Variants in SOX5 observed in about 807,000 individuals in gnomAD.
SOX5 encodes transcription factor SOX-5.
A neutral mutation model predicts 92.0 loss-of-function variants in SOX5; 9 were observed. The ratio of observed to expected loss-of-function variants is 0.10; its 90% CI spans 0.06 to 0.17. SOX5 has a LOEUF of 0.17. Ranked by LOEUF, SOX5 falls within the 10% of genes least tolerant of loss-of-function variation. The pLI is 1.00. For synonymous variants in SOX5, 344 were observed against 336.3 expected (o/e 1.02, Z -0.25); for missense variants, 642 against 944.5 (o/e 0.68, Z 4.20).
intron 4 of SOX5, among the ~76,000 whole-genome samples, chr12:24,114,573 CAAAAAAAAAAAAAAAAAA>C (rs55913110): frequency 4.9e-5 from 2 of 40,592 alleles, no homozygotes; most frequent in African/African-American, 1.9e-4. Flanking sequence ...CACCCCGTCA[CAAAAAAAAAAAAAAAAAA>C]AAAAAAAAAA....
intron 1 of SOX5, among the ~76,000 whole-genome samples, chr12:23,900,016 A>T (rs1408804292): frequency 2.0e-5 from 3 of 152,210 alleles, no homozygotes; most frequent in Non-Finnish European, 2.9e-5. Flanking sequence ...TCAAGGAAAA[A>T]GGATAAACAA....
At chr12:23,815,905 G>GCTGTA (rs2095981548) in intron 3 of SOX5, among the ~76,000 whole-genome samples, 1 of 152,056 alleles carries the variant, frequency 6.6e-6, no homozygotes, top group Admixed American at 6.6e-5. Flanking sequence ...AGCTTTGCAG[G>GCTGTA]CTGTACTACT....
At chr12:24,114,909 C>T (rs1465391275) in intron 4 of SOX5, among the ~76,000 whole-genome samples, 1 of 146,978 alleles carries the variant, frequency 6.8e-6, no homozygotes. Context: ...GCATTCCAGC[C>T]TGAGTGACAG....
chr12:24,001,456 T>A (rs1951605760), intron 4 of SOX5, among the ~76,000 whole-genome samples: 1 of 152,006 alleles, frequency 6.6e-6, no homozygotes, highest in South Asian at 2.1e-4. Flanking sequence ...TTTAAAAAAA[T>A]CAGTAAATAT....
chr12:24,230,826 T>C (rs1014741830), intron 3 of SOX5, among the ~76,000 whole-genome samples: 2 of 152,210 alleles, frequency 1.3e-5, no homozygotes, highest in Non-Finnish European at 2.9e-5. Context: ...GTAACTTTCA[T>C]ATAAATGTAC....
intron 4 of SOX5, among the ~76,000 whole-genome samples, chr12:24,012,807 A>T (rs1335073724): frequency 2.0e-5 from 3 of 152,154 alleles, no homozygotes; most frequent in Admixed American, 6.6e-5. Context: ...TTGGGTGAAC[A>T]GGGGTAAATC....
chr12:24,322,116 A>G lies in SOX5; in HGVS notation c.-173-44804T>C, dbSNP rs986295278. 9.9e-5 allele frequency among the ~76,000 whole-genome samples: 15 copies of G among 152,172 alleles called. No homozygotes were observed. In the South Asian group the frequency reaches 1.2e-3, roughly 13 times the overall value. On this transcript the variant is annotated intron_variant, in intron 2 of 4. Transcript: ENST00000446891. Reference sequence around the variant, plus strand: ...CATCTGTCAACTAAACAGCAGTGAGATCAAATTCATCGTTCAATTTCTAAA... The same window carrying G: ...CATCTGTCAACTAAACAGCAGTGAGGTCAAATTCATCGTTCAATTTCTAAA...
chr12:24,175,857 C>T lies in SOX5; in HGVS notation c.-2+37486G>A, dbSNP rs553266048. Among the ~76,000 whole-genome samples, 3 of 152,206 alleles carry T rather than the reference C, an allele frequency of 2.0e-5. No individual in the cohort carries two copies. In the South Asian group the frequency reaches 6.2e-4, roughly 32 times the overall value. ...TAAAAATGGTTTTCACTAGAGAGGG[C>T]TTCCCTAATGCCACAGATTTTGTAT... On this transcript the variant is annotated intron_variant, in intron 4 of 4. Transcript: ENST00000446891.
chr12:23,816,521 C>T (rs1328297160), intron 3 of SOX5, among the ~76,000 whole-genome samples: 1 of 151,984 alleles, frequency 6.6e-6, no homozygotes. Flanking sequence ...TTAAGGAAGG[C>T]AGGATGGAGG....
At chr12:23,988,042 A>T (rs1209208014) in intron 4 of SOX5, among the ~76,000 whole-genome samples, 1 of 152,224 alleles carries the variant, frequency 6.6e-6, no homozygotes, top group Admixed American at 6.5e-5. Context: ...AAGAAAACTT[A>T]GCATTATCTT....
chr12:23,623,452 C>T (rs780188834), intron 8 of SOX5, among the ~76,000 whole-genome samples: 23 of 152,036 alleles, frequency 1.5e-4, no homozygotes, highest in Non-Finnish European at 2.9e-4. Context: ...AGATGTAGCC[C>T]AGCCCCAAGT....
intron 2 of SOX5, among the ~76,000 whole-genome samples, chr12:23,850,290 G>A (rs537219442): frequency 1.0e-3 from 155 of 151,816 alleles, no homozygotes; most frequent in African/African-American, 3.3e-3. Flanking sequence ...TTAGCTGGGC[G>A]TGGTGGCGCG....
At chr12:24,204,718 G>A (rs1450863592) in intron 4 of SOX5, among the ~76,000 whole-genome samples, 1 of 152,142 alleles carries the variant, frequency 6.6e-6, no homozygotes, top group Non-Finnish European at 1.5e-5. Flanking sequence ...TGTGTATGTA[G>A]ATTTGTTTAG....
intron 4 of SOX5, among the ~76,000 whole-genome samples, chr12:24,163,960 C>G (rs1003053078): frequency 3.3e-5 from 5 of 151,820 alleles, no homozygotes; most frequent in African/African-American, 1.2e-4. Flanking sequence ...AAAATTATTT[C>G]AATAGAAGAG....
At chr12:23,637,074 G>C (rs995034391) in intron 8 of SOX5, among the ~76,000 whole-genome samples, 19 of 152,146 alleles carry the variant, frequency 1.2e-4, no homozygotes, top group African/African-American at 4.3e-4. Flanking sequence ...CTTTACATGA[G>C]TTAAAATCAT....
chr12:23,751,564 T>C (rs1032697057), intron 4 of SOX5, among the ~76,000 whole-genome samples: 1 of 151,872 alleles, frequency 6.6e-6, no homozygotes, highest in African/African-American at 2.4e-5. Flanking sequence ...ACTGACTCTA[T>C]ACATCTTCTA....
intron 2 of SOX5, among the ~76,000 whole-genome samples, chr12:23,886,537 T>G (rs193092805): frequency 4.6e-5 from 7 of 152,210 alleles, no homozygotes; most frequent in Admixed American, 1.3e-4. Flanking sequence ...CAAGATTTTT[T>G]TTTTTCTTTT....
chr12:23,709,767 T>C (rs2091853471), intron 6 of SOX5, among the ~76,000 whole-genome samples: 2 of 152,172 alleles, frequency 1.3e-5, no homozygotes, highest in East Asian at 3.8e-4. Context: ...ATACTGAAAA[T>C]ACTACATCAG....
intron 1 of SOX5, among the ~76,000 whole-genome samples, chr12:23,913,594 G>T (rs946797634): frequency 6.6e-6 from 1 of 151,938 alleles, no homozygotes; most frequent in South Asian, 2.1e-4. Context: ...AAATTAGCCA[G>T]GTGTGGTGGC....
Sources: allele counts gnomAD v4.1 joint callset (sites outside exome capture counted in the v4.1 genomes callset), GRCh38; gene constraint gnomAD v4.1.1; transcripts MANE v1.5; gene names NCBI Gene and HGNC (gene_info 2026-07-23, HGNC 2026-07-21).